Variants in NSD3 observed in about 807,000 individuals in gnomAD.
The protein encoded by NSD3 is nuclear receptor binding SET domain protein 3, also known as histone-lysine N-methyltransferase NSD3.
Under a neutral mutation model 160.8 loss-of-function variants are expected in NSD3, and 24 were observed. That is an observed-to-expected ratio of 0.15 (90% confidence interval 0.11 to 0.21). The LOEUF is 0.21. Among genes scored for constraint, NSD3 ranks in the 10% least tolerant of loss-of-function variants. The pLI is 1.00. For missense variants in NSD3, 1,157 were observed against 1,735.9 expected, an observed-to-expected ratio of 0.67 and a Z score of 5.93; for synonymous variants, 520 against 600.0, an observed-to-expected ratio of 0.87 and a Z score of 1.95.
chr8:38,304,351 T>G (rs1313953313), intron 14 of NSD3, among the ~76,000 whole-genome samples: 1 of 152,220 alleles, frequency 6.6e-6, no homozygotes, highest in East Asian at 1.9e-4. Flanking sequence ...TTTTTAGAAA[T>G]GCAGATTTTA....
chr8:38,270,684 A>C lies in NSD3; in HGVS notation c.*4957T>G, dbSNP rs1000431558. 6.6e-6 allele frequency: 1 copy of C among 152,350 alleles called. No homozygotes were observed. The highest frequency in any genetic ancestry group is 2.4e-5 in the African/African-American group (1 of 41,580). The allele number at this position is 152,350 out of a possible 1,614,324, so 9.4% of individuals were successfully genotyped here. A position where few individuals can be genotyped will look rare whatever the true frequency, so the allele number is the denominator to read the frequency against. On this transcript the variant is annotated 3_prime_UTR_variant, in exon 24 of 24. Transcript: ENST00000317025. ...AAGTGTGTTGGCAGGCAGGGAGGGGAGCAGTAAAAGCTGAGGGTGCTTTCT... is the reference window on the plus strand; with the variant it reads ...AAGTGTGTTGGCAGGCAGGGAGGGGCGCAGTAAAAGCTGAGGGTGCTTTCT...
At chr8:38,350,532 TG>T (rs1233464781) in intron 1 of NSD3, among the ~76,000 whole-genome samples, 1 of 152,216 alleles carries the variant, frequency 6.6e-6, no homozygotes, top group Non-Finnish European at 1.5e-5. Flanking sequence ...TTGATGGGGT[TG>T]TTTTTTTCTT....
At chr8:38,353,564 T>C (rs575014216) in intron 1 of NSD3, among the ~76,000 whole-genome samples, 3 of 152,246 alleles carry the variant, frequency 2.0e-5, no homozygotes, top group African/African-American at 7.2e-5. Flanking sequence ...ATGCTTTTGA[T>C]TGAGTTTCAA....
At chr8:38,287,051 A>G (rs1453334729) in intron 19 of NSD3, among the ~76,000 whole-genome samples, 2 of 152,182 alleles carry the variant, frequency 1.3e-5, no homozygotes, top group African/African-American at 2.4e-5. Context: ...CTTGTTCACT[A>G]TTGTTTTCCA....
chr8:38,306,881 A>G lies in NSD3; in HGVS notation c.2243-1436T>C, dbSNP rs572878913. Among the ~76,000 whole-genome samples, 7 of 152,182 alleles carry G rather than the reference A, an allele frequency of 4.6e-5. No homozygotes were observed. The South Asian group carries it at 1.0e-3, about 23-fold the overall frequency. On this transcript the variant is annotated intron_variant, in intron 12 of 23. Transcript: ENST00000317025. ...TGTAATCCCAGCACTTTGGGAGGCC[A>G]AGGCGGGTGGATCACAAGGTCAGGA...
intron 16 of NSD3, among the ~76,000 whole-genome samples, chr8:38,293,533 A>G (rs1222320565): frequency 6.6e-6 from 1 of 152,004 alleles, no homozygotes; most frequent in Non-Finnish European, 1.5e-5. Flanking sequence ...CTGGCAACAG[A>G]GCGAGACCCT....
intron 1 of NSD3, among the ~76,000 whole-genome samples, chr8:38,349,905 A>G (rs1169325014): frequency 6.6e-6 from 1 of 150,384 alleles, no homozygotes; most frequent in African/African-American, 2.5e-5. Context: ...CTCACTGTTC[A>G]ATTCCCACCT....
Position 38,281,017 on chromosome 8 carries a change from A to G in NSD3, c.3618+450T>C, listed in dbSNP as rs141670374. Among the ~76,000 whole-genome samples the G allele has an allele frequency of 1.2e-3, 182 of 152,204 alleles. 1 individual carries two copies. Among genetic ancestry groups the G allele is most frequent in the African/African-American group, 4.3e-3 (177 of 41,530 alleles). On this transcript the variant is annotated intron_variant, in intron 20 of 23. Transcript: ENST00000317025. ...GTGATCTGCCCTCCTCAGCCTCCCA[A>G]AGTATTGGGATTACAGGTGTAAGCC...
chr8:38,344,633 T>C (rs867707817), intron 2 of NSD3, among the ~76,000 whole-genome samples: 2 of 152,206 alleles, frequency 1.3e-5, no homozygotes, highest in Non-Finnish European at 1.5e-5. Context: ...TATGAACCTA[T>C]GAGTGAGCTT....
intron 2 of NSD3, among the ~76,000 whole-genome samples, chr8:38,346,640 A>G (rs1167685561): frequency 6.6e-6 from 1 of 152,052 alleles, no homozygotes; most frequent in African/African-American, 2.4e-5. Context: ...GGGACTTGTG[A>G]GAGTCTAGAA....
intron 1 of NSD3, among the ~76,000 whole-genome samples, chr8:38,370,198 T>G (rs908186676): frequency 6.6e-6 from 1 of 152,136 alleles, no homozygotes; most frequent in African/African-American, 2.4e-5. Context: ...AAACCTCTCT[T>G]AAAAGAAAAC....
rs759901656 is a variant in NSD3, at chr8:38,329,704, T to G, written c.1255A>C (p.Thr419Pro). 1 of 1,614,198 alleles carries G rather than the reference T, an allele frequency of 6.2e-7. No homozygotes were observed. The highest frequency in any genetic ancestry group is 1.1e-5 in the South Asian group (1 of 91,082). The change falls in exon 6 of 24, where the codon ACC becomes CCC. Residue 419 changes from threonine to proline, a missense_variant. This residue lies in a region of NSD3 where 168 missense variants were observed against 208.1 expected (regional missense o/e 0.81). Coordinates refer to ENST00000317025, the MANE Select transcript of NSD3 (RefSeq NM_023034.2). The surrounding 1 kb of genome is among the most constrained non-coding windows in gnomAD (Gnocchi z 4.8). The stretch of plus-strand genomic sequence containing the variant: ...TTCAGCACAGATCTTGGTCGTCGGG[T>G]TTTTTTAACTTCGGTTTTGGAGGCA... ...SVASKTEVKK[T>P]RRPRSVLNTQ...
intron 12 of NSD3, among the ~76,000 whole-genome samples, chr8:38,306,496 G>A (rs1809396150): frequency 6.6e-6 from 1 of 151,872 alleles, no homozygotes; most frequent in African/African-American, 2.4e-5. Flanking sequence ...TGCCAAATAT[G>A]AAAAAACTAA....
rs1808402323 is a variant in NSD3, at chr8:38,270,244, A to G, written c.*5397T>C. On this transcript the variant is annotated 3_prime_UTR_variant, in exon 24 of 24. Coordinates refer to ENST00000317025, the MANE Select transcript of NSD3 (RefSeq NM_023034.2). The stretch of plus-strand genomic sequence containing the variant: ...ACTCAAGTCTCAAGTGATTTAGGCA[A>G]AGTAATGGTTCACAGGATCTACAAA... 1 of 152,234 alleles carries G rather than the reference A, an allele frequency of 6.6e-6. No individual in the cohort carries two copies. Among genetic ancestry groups the G allele is most frequent in the South Asian group, 2.1e-4 (1 of 4,838 alleles). The allele number at this position is 152,234 out of a possible 1,614,324, so 9.4% of individuals were successfully genotyped here. A position where few individuals can be genotyped will look rare whatever the true frequency, so the allele number is the denominator to read the frequency against.
chr8:38,294,776 G>A (rs558547344), intron 16 of NSD3, among the ~76,000 whole-genome samples: 6 of 151,770 alleles, frequency 4.0e-5, no homozygotes, highest in East Asian at 2.0e-4. Flanking sequence ...CCAGGAGTTC[G>A]AGACCAGCCT....
chr8:38,341,159 T>G (rs1563361359), intron 2 of NSD3, among the ~76,000 whole-genome samples: 2 of 152,012 alleles, frequency 1.3e-5, no homozygotes. Flanking sequence ...ACAAAAAAAG[T>G]AAGTGCTAGG....
Position 38,297,958 on chromosome 8 carries a change from A to C in NSD3, c.2758+1486T>G, listed in dbSNP as rs551429865. Among the ~76,000 whole-genome samples, 6 of 152,288 alleles carry C rather than the reference A, an allele frequency of 3.9e-5. No homozygotes were observed. In the South Asian group the frequency reaches 1.2e-3, roughly 32 times the overall value. The stretch of plus-strand genomic sequence containing the variant: ...ACATTATGGAATAGTTCTTAATTTT[A>C]AGTCTTATTTCAGAGGAAATACAGA... On this transcript the variant is annotated intron_variant, in intron 15 of 23. Transcript: ENST00000317025.
chr8:38,347,817 T>C lies in NSD3; in HGVS notation c.355A>G (p.Thr119Ala), dbSNP rs2150383823. 6.2e-7 allele frequency: 1 copy of C among 1,614,104 alleles called. No individual in the cohort carries two copies. Reference sequence around the variant, plus strand: ...TTTTCCAGAATTTCATGTGGTCTTGTGTTTGGAATTTCTGAATGATAATAG... The same window carrying C: ...TTTTCCAGAATTTCATGTGGTCTTGCGTTTGGAATTTCTGAATGATAATAG... The part of the protein sequence containing the change: ...TDYYHSEIPN[T>A]RPHEILEKPS... Residue 119 changes from threonine to alanine, a missense_variant, in exon 2 of 24, where the codon ACA becomes GCA. Physicochemically the swap from Thr to Ala is moderately conservative, Grantham distance 58. Transcript: ENST00000317025.
chr8:38,337,192 C>T, intron 4 of NSD3, 113 bp downstream of exon 4: 2 of 979,660 alleles, frequency 2.0e-6, no homozygotes, highest in African/African-American at 1.7e-5. Context: ...CGGATATGCA[C>T]ATTTTTGTAT....
Sources: allele counts gnomAD v4.1 joint callset (sites outside exome capture counted in the v4.1 genomes callset), GRCh38; gene constraint gnomAD v4.1.1; regional missense constraint gnomAD v4.1.1; non-coding constraint Gnocchi (gnomAD v3.1); transcripts MANE v1.5; gene names NCBI Gene and HGNC (gene_info 2026-07-23, HGNC 2026-07-21).